ARF5: variants seen among roughly 807,000 people sequenced by gnomAD.
ARF5 encodes ADP-ribosylation factor 5.
A neutral mutation model predicts 24.8 loss-of-function variants in ARF5; 10 were observed. The ratio of observed to expected loss-of-function variants is 0.40; its 90% CI spans 0.25 to 0.68. ARF5 has a LOEUF of 0.68. ARF5 is among the 30% of genes least tolerant of loss of function. The pLI, the probability that ARF5 is intolerant of heterozygous loss-of-function variation, is 0.36. For synonymous variants in ARF5, 102 were observed against 95.1 expected, an observed-to-expected ratio of 1.07 and a Z score of -0.42; for missense variants, 135 against 239.2, an observed-to-expected ratio of 0.56 and a Z score of 2.87.
Position 127,589,172 on chromosome 7 carries a change from G to A in ARF5, c.148+9G>A, listed in dbSNP as rs1330684391. 7.4e-6 allele frequency: 12 copies of A among 1,613,876 alleles called. No homozygotes were observed. Among genetic ancestry groups the A allele is most frequent in the African/African-American group, 5.3e-5 (4 of 74,946 alleles). Reference sequence around the variant, plus strand: ...CACCATCCCAACCATAGGTGAGCCCGGGGACGAAGCAGGGAGCGGGAGCGC... The same window carrying A: ...CACCATCCCAACCATAGGTGAGCCCAGGGACGAAGCAGGGAGCGGGAGCGC... On this transcript the variant is annotated intron_variant, in intron 2 of 5. Transcript: ENST00000000233.
intron 1 of ARF5, 70 bp downstream of exon 1, chr7:127,588,635 C>T: frequency 7.9e-7 from 1 of 1,258,390 alleles, no homozygotes; most frequent in Non-Finnish European, 1.0e-6. Flanking sequence ...CCCCCGCGTC[C>T]CTCCAGCCCC....
In ARF5 at chr7:127,589,607, G is replaced by C; in HGVS notation, c.258+13G>C. ...CCAGAACACTCAGGTGGAGTGTTGG[G>C]AGGGGACTTTCTAACCCCACGGGAA... On this transcript the variant is annotated intron_variant, in intron 3 of 5. Coordinates refer to ENST00000000233, the MANE Select transcript of ARF5 (RefSeq NM_001662.4). 1 of 1,594,802 alleles carries C rather than the reference G, an allele frequency of 6.3e-7. No homozygotes were observed. Among genetic ancestry groups the C allele is most frequent in the Non-Finnish European group, 8.6e-7 (1 of 1,165,084 alleles).
chr7:127,591,311 C>T lies in ARF5; in HGVS notation c.*12C>T. 6.3e-7 allele frequency: 1 copy of T among 1,580,704 alleles called. No homozygotes were observed. Among genetic ancestry groups the T allele is most frequent in the Non-Finnish European group, 8.6e-7 (1 of 1,167,518 alleles). On this transcript the variant is annotated 3_prime_UTR_variant, in exon 6 of 6. Coordinates refer to ENST00000000233, the MANE Select transcript of ARF5 (RefSeq NM_001662.4). ...TGTCAAAGCGCTAACCAGCCAGGGG[C>T]AGGCCCCTGATGCCCGGAAGCTCCT...
chr7:127,589,199 G>C lies in ARF5; in HGVS notation c.148+36G>C, dbSNP rs1160015923. ...GGACGAAGCAGGGAGCGGGAGCGCC[G>C]CGGCGGGCCCTCGCGGGGTCTGCTC... is the stretch of plus-strand genomic sequence containing the variant. On this transcript the variant is annotated intron_variant, in intron 2 of 5. Transcript: ENST00000000233. 2.5e-6 allele frequency: 4 copies of C among 1,610,196 alleles called. No individual in the cohort carries two copies. The Admixed American group carries it at 6.7e-5, about 27-fold the overall frequency.
At chr7:127,590,827 A>G (rs1587536732) in intron 4 of ARF5, 136 bp from the exon 5 acceptor site, 2 of 1,204,742 alleles carry the variant, frequency 1.7e-6, no homozygotes, top group African/African-American at 1.5e-5. Context: ...GCTCATTTAC[A>G]ACTATGTCTT....
chr7:127,590,971 G>C lies in ARF5; in HGVS notation c.339G>C (p.Glu113Asp). Reference protein sequence around the residue: ...SADELQKMLQEDELRDAVLLV... With the variant: ...SADELQKMLQDDELRDAVLLV... ...CTCTTCTCCTCTCTCAGCTGCAGGA[G>C]GACGAGCTGCGGGATGCAGTGCTGC... The change falls in exon 5 of 6, where the codon GAG (glutamate) becomes GAC (aspartate). Residue 113 changes from glutamate (E) to aspartate (D), a missense_variant. By Grantham distance (45) the Glu-to-Asp change is conservative. This residue lies in a region of ARF5 where 102 missense variants were observed against 160.9 expected (regional missense o/e 0.63). Coordinates refer to ENST00000000233, the MANE Select transcript of ARF5 (RefSeq NM_001662.4). 1 of 1,613,306 alleles carries C rather than the reference G, an allele frequency of 6.2e-7. No individual in the cohort carries two copies. Among genetic ancestry groups the C allele is most frequent in the East Asian group, 2.2e-5 (1 of 44,860 alleles).
chr7:127,589,391 C>T, intron 2 of ARF5, 94 bp from the exon 3 acceptor site: 1 of 1,214,788 alleles, frequency 8.2e-7, no homozygotes, highest in Admixed American at 1.8e-5. Flanking sequence ...TGATCATTGC[C>T]TTCTGGTTTT....
At chr7:127,590,886 T>G (rs1007072570) in intron 4 of ARF5, 77 bp from the exon 5 acceptor site, 1 of 1,518,700 alleles carries the variant, frequency 6.6e-7, no homozygotes, top group Non-Finnish European at 8.9e-7. Context: ...ATCAAGATGC[T>G]AGGAGGTAGA....
chr7:127,588,838 A>T, intron 1 of ARF5: 1 of 575,148 alleles, frequency 1.7e-6, no homozygotes, highest in Non-Finnish European at 3.0e-6. Context: ...GACGACTTTT[A>T]AAACGAGCGC....
chr7:127,590,041 CCTTT>C (rs748365534), intron 3 of ARF5, 21 bp from the exon 4 acceptor site: 37 of 1,608,552 alleles, frequency 2.3e-5, no homozygotes, highest in Admixed American at 1.0e-4. Flanking sequence ...GATTGCTTCT[CCTTT>C]CTTCCTTCCT....
chr7:127,589,494 TAGAA>T lies in ARF5; in HGVS notation c.160_163del (p.Glu54GlnfsTer82). On this transcript the variant is annotated frameshift_variant, in exon 3 of 6. Transcript: ENST00000000233. LOFTEE classifies it high-confidence loss of function. ...TTCCAATTATCTGCAGGCTTCAATG[TAGAA>T]ACAGTGGAATATAAGAACATCTGTT... 1 of 1,611,490 alleles carries T rather than the reference TAGAA, an allele frequency of 6.2e-7. No homozygotes were observed. The highest frequency in any genetic ancestry group is 8.5e-7 in the Non-Finnish European group (1 of 1,178,688).
In ARF5 at chr7:127,591,308, G is replaced by T; in HGVS notation, c.*9G>T. The T allele has an allele frequency of 6.3e-7, 1 of 1,583,922 alleles. No individual in the cohort carries two copies. Among genetic ancestry groups the T allele is most frequent in the Non-Finnish European group, 8.6e-7 (1 of 1,168,860 alleles). Reference sequence around the variant, plus strand: ...AGCTGTCAAAGCGCTAACCAGCCAGGGGCAGGCCCCTGATGCCCGGAAGCT... The same window carrying T: ...AGCTGTCAAAGCGCTAACCAGCCAGTGGCAGGCCCCTGATGCCCGGAAGCT... On this transcript the variant is annotated 3_prime_UTR_variant, in exon 6 of 6. Coordinates refer to ENST00000000233, the MANE Select transcript of ARF5 (RefSeq NM_001662.4).
intron 3 of ARF5, 69 bp downstream of exon 3, chr7:127,589,663 T>C: frequency 7.7e-7 from 1 of 1,303,852 alleles, no homozygotes. Context: ...ACAGAATTGT[T>C]GGCCTAGGCT....
chr7:127,591,055 C>A lies in ARF5; in HGVS notation c.423C>A (p.Asp141Glu). 3 of 1,614,070 alleles carry A rather than the reference C, an allele frequency of 1.9e-6. No homozygotes were observed. The South Asian group carries it at 3.3e-5, about 18-fold the overall frequency. The change falls in exon 5 of 6, where the codon GAC becomes GAA. Residue 141 changes from aspartate (D) to glutamate (E), a missense_variant. Physicochemically the swap from Asp to Glu is conservative, Grantham distance 45. This residue lies in a region of ARF5 where 102 missense variants were observed against 160.9 expected (regional missense o/e 0.63). Transcript: ENST00000000233. Reference sequence around the variant, plus strand: ...CCATGCCCGTGAGCGAGCTGACTGACAAGCTGGGGCTACAGCACTTACGCA... The same window carrying A: ...CCATGCCCGTGAGCGAGCTGACTGAAAAGCTGGGGCTACAGCACTTACGCA... ...PNAMPVSELT[D>E]KLGLQHLRSR...
At chr7:127,589,785 T>C in intron 3 of ARF5, 191 bp downstream of exon 3, 1 of 612,128 alleles carries the variant, frequency 1.6e-6, no homozygotes, top group Non-Finnish European at 2.9e-6. Flanking sequence ...GACTTCTCTT[T>C]AGAAGCAGGA....
chr7:127,589,220 T>G, intron 2 of ARF5, 57 bp downstream of exon 2: 2 of 1,580,468 alleles, frequency 1.3e-6, no homozygotes, highest in Non-Finnish European at 1.7e-6. Context: ...TCGCGGGGTC[T>G]GCTCCCAGTT....
At chr7:127,589,046 G>T (rs1326268024) in intron 1 of ARF5, 37 bp from the exon 2 acceptor site, 4 of 1,610,630 alleles carry the variant, frequency 2.5e-6, no homozygotes, top group Middle Eastern at 3.3e-4. Flanking sequence ...GGGCTCCCTC[G>T]CTCCCATCTC....
At position 127,590,052 on chromosome 7, in the gene ARF5, TC is replaced by T; in HGVS notation, c.259-12del. 1 of 1,613,314 alleles carries T rather than the reference TC, an allele frequency of 6.2e-7. No individual in the cohort carries two copies. The highest frequency in any genetic ancestry group is 8.5e-7 in the Non-Finnish European group (1 of 1,179,336). The stretch of plus-strand genomic sequence containing the variant: ...AAGTGATTGCTTCTCCTTTCTTCCT[TC>T]CTTCCTGCCCAGGGCCTCATCTTTG... On this transcript the variant is annotated splice_polypyrimidine_tract_variant and intron_variant, in intron 3 of 5. Transcript: ENST00000000233.
In ARF5 at chr7:127,589,538, G is replaced by T; in HGVS notation, c.202G>T (p.Val68Leu). 6.2e-7 allele frequency: 1 copy of T among 1,614,074 alleles called. No individual in the cohort carries two copies. Among genetic ancestry groups the T allele is most frequent in the Non-Finnish European group, 8.5e-7 (1 of 1,179,992 alleles). ...YKNICFTVWD[V>L]GGQDKIRPLW... ...GAACATCTGTTTCACAGTCTGGGAC[G>T]TGGGAGGCCAGGACAAGATTCGGCC... The change falls in exon 3 of 6, where the codon GTG becomes TTG. Residue 68 changes from valine to leucine, a missense_variant. Physicochemically the swap from Val to Leu is conservative, Grantham distance 32. Transcript: ENST00000000233.
Sources: gnomAD v4.1 joint callset for allele counts on GRCh38, gnomAD v4.1.1 for gene constraint, gnomAD v4.1.1 regional missense constraint, MANE v1.5 for transcripts, NCBI Gene and HGNC (gene_info 2026-07-23, HGNC 2026-07-21) for gene names.